Variants in ABCA13 observed in about 807,000 individuals in gnomAD.
ABCA13 encodes the protein ATP binding cassette subfamily A member 13, also known as ATP-binding cassette sub-family A member 13.
ABCA13 carries 476 observed loss-of-function variants against 478.7 expected under a neutral mutation model. That is an observed-to-expected ratio of 0.99 (90% CI 0.92 to 1.07). The LOEUF (loss-of-function observed/expected upper bound fraction) is 1.07. Among genes scored for constraint, ABCA13 ranks in the 50% least tolerant of loss-of-function variants. The pLI is 0.00. For synonymous variants in ABCA13, 2,252 were observed against 2,158.9 expected (o/e 1.04, Z -1.20); for missense variants, 6,060 against 5,910.6 (o/e 1.03, Z -0.83).
intron 1 of ABCA13, among the ~76,000 whole-genome samples, chr7:48,178,290 A>T (rs188232879): frequency 3.9e-4 from 60 of 152,336 alleles, no homozygotes; most frequent in African/African-American, 1.3e-3. Flanking sequence ...GTGAGGGAAC[A>T]CTTGCAGTGA....
chr7:48,210,184 C>A (rs1477141271), intron 3 of ABCA13, among the ~76,000 whole-genome samples: 1 of 152,110 alleles, frequency 6.6e-6, no homozygotes, highest in African/African-American at 2.4e-5. Flanking sequence ...GAAGGGGAAG[C>A]AAACATGTTC....
intron 45 of ABCA13, among the ~76,000 whole-genome samples, chr7:48,476,983 T>C (rs1268444498): frequency 6.6e-6 from 1 of 152,154 alleles, no homozygotes; most frequent in Admixed American, 6.5e-5. Context: ...GCTAAGCAGC[T>C]CAGTTACAAG....
At chr7:48,353,641 C>A (rs1809413114) in intron 31 of ABCA13, among the ~76,000 whole-genome samples, 1 of 151,650 alleles carries the variant, frequency 6.6e-6, no homozygotes, top group Non-Finnish European at 1.5e-5. Flanking sequence ...GACTTGATGT[C>A]TTGACCCCTC....
At chr7:48,351,587 T>A (rs1809002845) in intron 30 of ABCA13, among the ~76,000 whole-genome samples, 1 of 152,172 alleles carries the variant, frequency 6.6e-6, no homozygotes, top group Non-Finnish European at 1.5e-5. Context: ...TTCCCTCTTT[T>A]TATAAAGACA....
chr7:48,588,756 G>C (rs538519853), intron 57 of ABCA13, among the ~76,000 whole-genome samples: 1 of 152,130 alleles, frequency 6.6e-6, no homozygotes, highest in Admixed American at 6.5e-5. Context: ...GTAAATATTC[G>C]TGACTATGAT....
At chr7:48,289,428 G>A (rs546424295) in intron 20 of ABCA13, among the ~76,000 whole-genome samples, 18 of 148,364 alleles carry the variant, frequency 1.2e-4, no homozygotes, top group African/African-American at 4.2e-4. Flanking sequence ...GTGCAATCTC[G>A]GCTCACTGCA....
chr7:48,211,940 C>G (rs1462146780), intron 3 of ABCA13, among the ~76,000 whole-genome samples: 1 of 151,832 alleles, frequency 6.6e-6, no homozygotes, highest in Non-Finnish European at 1.5e-5. Flanking sequence ...TGTAAGCACT[C>G]TAATGGCTAC....
intron 31 of ABCA13, among the ~76,000 whole-genome samples, chr7:48,361,497 A>G (rs1376149301): frequency 2.6e-5 from 4 of 151,308 alleles, no homozygotes; most frequent in Admixed American, 2.0e-4. Flanking sequence ...GACTTCATCA[A>G]TTCTCTCTTT....
At chr7:48,597,758 C>A (rs916947187) in intron 58 of ABCA13, among the ~76,000 whole-genome samples, 1 of 152,154 alleles carries the variant, frequency 6.6e-6, no homozygotes, top group African/African-American at 2.4e-5. Flanking sequence ...ATTCCAATAT[C>A]TCCTCCATCC....
At chr7:48,629,809 C>T (rs1794011717) in intron 59 of ABCA13, among the ~76,000 whole-genome samples, 1 of 151,848 alleles carries the variant, frequency 6.6e-6, no homozygotes. Context: ...CTACTAATGT[C>T]CTTTTAGCCA....
At chr7:48,417,495 GA>G (rs1391596686) in intron 41 of ABCA13, among the ~76,000 whole-genome samples, 1 of 152,090 alleles carries the variant, frequency 6.6e-6, no homozygotes, top group Non-Finnish European at 1.5e-5. Flanking sequence ...ACTTAGACTG[GA>G]ACCACATTTA....
intron 37 of ABCA13, among the ~76,000 whole-genome samples, chr7:48,391,028 A>C (rs1324815986): frequency 6.6e-6 from 1 of 152,196 alleles, no homozygotes; most frequent in African/African-American, 2.4e-5. Context: ...TTTAAAACTT[A>C]AATAATAAAC....
chr7:48,244,516 C>A (rs777862907), intron 10 of ABCA13, 60 bp from the exon 11 acceptor site: 1 of 1,550,010 alleles, frequency 6.5e-7, no homozygotes, highest in Non-Finnish European at 8.7e-7. Context: ...ATTTTTATTT[C>A]CCTAATTGGC....
chr7:48,630,674 T>C (rs762230557), intron 59 of ABCA13, among the ~76,000 whole-genome samples: 22 of 152,208 alleles, frequency 1.4e-4, no homozygotes, highest in African/African-American at 2.7e-4. Flanking sequence ...ATATACCCAA[T>C]AATGGGATTA....
chr7:48,189,755 T>C (rs1460473551), intron 1 of ABCA13, among the ~76,000 whole-genome samples: 2 of 152,174 alleles, frequency 1.3e-5, no homozygotes, highest in Non-Finnish European at 2.9e-5. Flanking sequence ...AAGGGAACAA[T>C]ATCCAGATAC....
intron 42 of ABCA13, among the ~76,000 whole-genome samples, chr7:48,452,368 C>T (rs1486478288): frequency 6.6e-6 from 1 of 152,142 alleles, no homozygotes; most frequent in Non-Finnish European, 1.5e-5. Flanking sequence ...AGATTCAAAT[C>T]CAGGATTAAA....
chr7:48,520,572 C>G (rs1162394842), intron 53 of ABCA13, among the ~76,000 whole-genome samples: 1 of 151,646 alleles, frequency 6.6e-6, no homozygotes, highest in African/African-American at 2.4e-5. Flanking sequence ...TTTTATTGTA[C>G]TTTAAGTTCT....
intron 31 of ABCA13, among the ~76,000 whole-genome samples, chr7:48,361,401 T>C: frequency 6.6e-6 from 1 of 151,830 alleles, no homozygotes; most frequent in East Asian, 1.9e-4. Context: ...TTTAACATGC[T>C]TTTTCCTTAT....
chr7:48,467,130 G>A (rs4917155), intron 44 of ABCA13, 85 bp downstream of exon 44: 177,035 of 1,251,244 alleles, frequency 0.14, 14,774 homozygotes, highest in African/African-American at 0.3. Context: ...TTCATGATTG[G>A]TTATTTCATG....
Sources: gnomAD v4.1 joint callset for allele counts (sites outside exome capture counted in the v4.1 genomes callset) on GRCh38, gnomAD v4.1.1 for gene constraint, MANE v1.5 for transcripts, NCBI Gene and HGNC (gene_info 2026-07-23, HGNC 2026-07-21) for gene names.